The following NCAM2 variants were observed in gnomAD, a reference collection of about 807,000 sequenced individuals.
NCAM2 encodes N-CAM-2.
In NCAM2, 30 loss-of-function variants were observed where a neutral mutation model predicts 98.1. That is an observed-to-expected ratio of 0.31 (90% CI 0.23 to 0.41). The LOEUF (loss-of-function observed/expected upper bound fraction) is 0.41. NCAM2 is among the 10% of genes least tolerant of loss of function. NCAM2 has a pLI of 1.00. For synonymous variants in NCAM2, 368 were observed against 342.4 expected (o/e 1.07, Z -0.83); for missense variants, 867 against 1,005.8 (o/e 0.86, Z 1.87).
At chr21:21,151,697 A>T (rs1280220521) in intron 1 of NCAM2, among the ~76,000 whole-genome samples, 1 of 152,040 alleles carries the variant, frequency 6.6e-6, no homozygotes, top group Non-Finnish European at 1.5e-5. Context: ...GTTGTAATAA[A>T]CTTGGGTCCT....
chr21:21,126,234 C>CACAAAAAA (rs1358951442), intron 1 of NCAM2, among the ~76,000 whole-genome samples: 1 of 9,468 alleles, frequency 1.1e-4, no homozygotes, highest in Non-Finnish European at 2.6e-4. Context: ...TATCATGGAA[C>CACAAAAAA]ATAAAAAAAA....
At chr21:21,266,474 A>G (rs1158982076) in intron 1 of NCAM2, among the ~76,000 whole-genome samples, 1 of 152,102 alleles carries the variant, frequency 6.6e-6, no homozygotes, top group Non-Finnish European at 1.5e-5. Flanking sequence ...AACCAACCCA[A>G]ATGTCCATAA....
chr21:21,199,711 A>G (rs755289670), intron 1 of NCAM2, among the ~76,000 whole-genome samples: 2 of 152,230 alleles, frequency 1.3e-5, no homozygotes, highest in Non-Finnish European at 2.9e-5. Flanking sequence ...ACCACTGCAT[A>G]GATTATGTCC....
In NCAM2 at chr21:21,075,810, A is replaced by G. The variant is rs146138189; in HGVS notation, c.55+77192A>G. 6.0e-4 allele frequency among the ~76,000 whole-genome samples: 91 copies of G among 152,268 alleles called. 1 individual carries two copies. The highest frequency in any genetic ancestry group is 2.0e-3 in the African/African-American group (83 of 41,564). On this transcript the variant is annotated intron_variant, in intron 1 of 17. Coordinates refer to ENST00000400546, the MANE Select transcript of NCAM2 (RefSeq NM_004540.5). The stretch of plus-strand genomic sequence containing the variant: ...AATAAATAAAAATCTTCATGTTTAA[A>G]ATGATGTAGCTTAAGAATATGATTG...
chr21:21,085,279 A>G (rs1479306036), intron 1 of NCAM2, among the ~76,000 whole-genome samples: 1 of 151,940 alleles, frequency 6.6e-6, no homozygotes, highest in Non-Finnish European at 1.5e-5. Context: ...GAAAGGATGC[A>G]TGCACTCAGG....
chr21:21,338,296 T>A, intron 7 of NCAM2, 93 bp from the exon 8 acceptor site: 9 of 1,183,618 alleles, frequency 7.6e-6, no homozygotes, highest in Non-Finnish European at 1.1e-5. Flanking sequence ...TATCATACTA[T>A]ACTATAGTAG....
chr21:21,080,298 A>G (rs570908582), intron 1 of NCAM2, among the ~76,000 whole-genome samples: 8 of 152,146 alleles, frequency 5.3e-5, no homozygotes, highest in South Asian at 2.1e-4. Flanking sequence ...CCCTAAAGAC[A>G]TTAACATTTC....
chr21:21,373,751 C>G, intron 8 of NCAM2, 112 bp from the exon 9 acceptor site: 2 of 981,790 alleles, frequency 2.0e-6, no homozygotes, highest in South Asian at 4.7e-5. Flanking sequence ...GGAACAGTTT[C>G]TTTTTTCTTT....
chr21:21,264,959 G>GTATATATACACATATATATATATTATATA, intron 1 of NCAM2, among the ~76,000 whole-genome samples: 1 of 91,640 alleles, frequency 1.1e-5, no homozygotes, highest in Non-Finnish European at 2.1e-5. Flanking sequence ...ATATGTGTAT[G>GTATATATACACATATATATATATTATATA]TGTATATATA....
At chr21:21,458,557 TTGCCCCTTC>T (rs1361981188) in intron 12 of NCAM2, among the ~76,000 whole-genome samples, 1 of 152,168 alleles carries the variant, frequency 6.6e-6, no homozygotes, top group Non-Finnish European at 1.5e-5. Flanking sequence ...GAGAGCTGCT[TTGCCCCTTC>T]TGCAATGTGA....
At position 21,240,155 on chromosome 21, in the gene NCAM2, C is replaced by G. The variant is rs577119168; in HGVS notation, c.56-40423C>G. On this transcript the variant is annotated intron_variant, in intron 1 of 17. Coordinates refer to ENST00000400546, the MANE Select transcript of NCAM2 (RefSeq NM_004540.5). ...GGCTCTACTGAAGAAATGTTAAGAG[C>G]AAGATTTAAACTAAAACTGTTTTAA... 4.6e-5 allele frequency among the ~76,000 whole-genome samples: 7 copies of G among 152,110 alleles called. No individual in the cohort carries two copies. The East Asian group carries it at 1.4e-3, about 29-fold the overall frequency.
At position 21,477,283 on chromosome 21, in the gene NCAM2, T is replaced by A; in HGVS notation, c.1897-8T>A. 1 of 1,565,986 alleles carries A rather than the reference T, an allele frequency of 6.4e-7. No individual in the cohort carries two copies. The highest frequency in any genetic ancestry group is 1.2e-5 in the South Asian group (1 of 83,282). The stretch of plus-strand genomic sequence containing the variant: ...TATTTACAAACTGCATTTTTATTGC[T>A]TTCACAGAAAGATAAGGAAGACCAA... On this transcript the variant is annotated splice_polypyrimidine_tract_variant and splice_region_variant and intron_variant, in intron 14 of 17. Coordinates refer to ENST00000400546, the MANE Select transcript of NCAM2 (RefSeq NM_004540.5).
intron 8 of NCAM2, among the ~76,000 whole-genome samples, chr21:21,342,107 T>C (rs1602043794): frequency 6.6e-6 from 1 of 152,168 alleles, no homozygotes. Context: ...TTCCTCCCCA[T>C]GGAATAAATG....
chr21:21,137,139 C>T (rs1365763660), intron 1 of NCAM2, among the ~76,000 whole-genome samples: 1 of 151,998 alleles, frequency 6.6e-6, no homozygotes, highest in Non-Finnish European at 1.5e-5. Flanking sequence ...GCCACTGCGC[C>T]CAGCCACAAT....
chr21:21,222,190 G>A (rs1188014860), intron 1 of NCAM2, among the ~76,000 whole-genome samples: 1 of 152,132 alleles, frequency 6.6e-6, no homozygotes. Context: ...TTAATTGACA[G>A]TGAATCTTGT....
At chr21:21,083,496 C>T (rs372149892) in intron 1 of NCAM2, among the ~76,000 whole-genome samples, 2 of 151,688 alleles carry the variant, frequency 1.3e-5, no homozygotes, top group African/African-American at 2.4e-5. Context: ...TCTCAGCTCA[C>T]TGCAACCTCT....
intron 1 of NCAM2, among the ~76,000 whole-genome samples, chr21:21,071,361 GACCCAA>G (rs2065559671): frequency 1.3e-5 from 2 of 152,110 alleles, no homozygotes; most frequent in South Asian, 4.1e-4. Flanking sequence ...GGTTATTGAT[GACCCAA>G]ACTCTAAGCT....
chr21:21,413,788 A>G (rs921345905), intron 10 of NCAM2, among the ~76,000 whole-genome samples: 2 of 152,182 alleles, frequency 1.3e-5, no homozygotes, highest in Non-Finnish European at 2.9e-5. Flanking sequence ...TACTGATCAG[A>G]ATGTTGATTG....
intron 16 of NCAM2, among the ~76,000 whole-genome samples, chr21:21,531,722 A>G (rs1254589268): frequency 6.6e-6 from 1 of 151,956 alleles, no homozygotes; most frequent in Non-Finnish European, 1.5e-5. Context: ...TCTACAGACA[A>G]TATCAATAAT....
Sources: allele counts gnomAD v4.1 joint callset (sites outside exome capture counted in the v4.1 genomes callset), GRCh38; gene constraint gnomAD v4.1.1; transcripts MANE v1.5; gene names NCBI Gene and HGNC (gene_info 2026-07-23, HGNC 2026-07-21).